The following NRG3 variants were observed in gnomAD, a reference collection of about 807,000 sequenced individuals.
NRG3 encodes the protein pro-neuregulin-3, membrane-bound isoform.
NRG3 carries 31 observed loss-of-function variants against 66.9 expected under a neutral mutation model. The ratio of observed to expected loss-of-function variants is 0.46; its 90% CI spans 0.35 to 0.63. The LOEUF is 0.63. Among genes scored for constraint, NRG3 ranks in the 20% least tolerant of loss-of-function variants. The pLI is 0.00. For synonymous variants in NRG3, 393 were observed against 359.4 expected, an observed-to-expected ratio of 1.09 and a Z score of -1.06; for missense variants, 910 against 878.9, an observed-to-expected ratio of 1.04 and a Z score of -0.45.
At chr10:82,848,026 G>C (rs2063387140) in intron 3 of NRG3, among the ~76,000 whole-genome samples, 1 of 152,164 alleles carries the variant, frequency 6.6e-6, no homozygotes, top group Non-Finnish European at 1.5e-5. Context: ...GTTTGTATTA[G>C]AGTCATGAGT....
chr10:82,041,647 T>C lies in NRG3; in HGVS notation c.823+165484T>C, dbSNP rs187583662. On this transcript the variant is annotated intron_variant, in intron 1 of 8. Transcript: ENST00000372141. ...GGAACAACATTCCTCAAAATATCTG[T>C]AGGGGGCTAATAAGTCACAAAGTGT... Among the ~76,000 whole-genome samples the C allele has an allele frequency of 2.6e-5, 4 of 152,144 alleles. No homozygotes were observed. In the East Asian group the frequency reaches 7.8e-4, roughly 30 times the overall value.
chr10:82,123,956 G>A (rs890825416), intron 1 of NRG3, among the ~76,000 whole-genome samples: 7 of 151,938 alleles, frequency 4.6e-5, no homozygotes, highest in Middle Eastern at 3.4e-3. Flanking sequence ...GGACTGCCCC[G>A]CTATTCTCAC....
chr10:82,519,282 A>G (rs530758208), intron 2 of NRG3, among the ~76,000 whole-genome samples: 33 of 152,202 alleles, frequency 2.2e-4, no homozygotes, highest in Middle Eastern at 6.8e-3. Context: ...TCTAAATTTG[A>G]GTTACCTTGC....
intron 1 of NRG3, among the ~76,000 whole-genome samples, chr10:82,027,056 A>G (rs1352472384): frequency 6.6e-6 from 1 of 152,104 alleles, no homozygotes; most frequent in Non-Finnish European, 1.5e-5. Context: ...TCACAAGAAT[A>G]AGTGAACAAC....
chr10:82,191,557 T>A (rs1285669115), intron 1 of NRG3, among the ~76,000 whole-genome samples: 2 of 152,184 alleles, frequency 1.3e-5, no homozygotes, highest in Admixed American at 6.5e-5. Flanking sequence ...ACTTCCAATC[T>A]TCTTATTTTC....
At chr10:82,800,477 A>G (rs1464384274) in intron 3 of NRG3, among the ~76,000 whole-genome samples, 1 of 152,104 alleles carries the variant, frequency 6.6e-6, no homozygotes, top group Non-Finnish European at 1.5e-5. Context: ...TTCATTTAAC[A>G]AATATTGAAC....
At chr10:81,912,339 A>C (rs1354489569) in intron 1 of NRG3, among the ~76,000 whole-genome samples, 1 of 152,156 alleles carries the variant, frequency 6.6e-6, no homozygotes, top group Non-Finnish European at 1.5e-5. Context: ...CTCCTGCCTC[A>C]GCCTCCTGAG....
chr10:82,742,205 C>CA (rs1379013924), intron 3 of NRG3, among the ~76,000 whole-genome samples: 1 of 152,058 alleles, frequency 6.6e-6, no homozygotes, highest in Non-Finnish European at 1.5e-5. Flanking sequence ...TATTCTCTCC[C>CA]AGGCAATGCA....
At chr10:82,427,715 G>T (rs770797341) in intron 2 of NRG3, among the ~76,000 whole-genome samples, 1 of 152,022 alleles carries the variant, frequency 6.6e-6, no homozygotes, top group African/African-American at 2.4e-5. Context: ...GAATAACACT[G>T]GTCTCACTTT....
chr10:82,258,284 T>A (rs7073811), intron 1 of NRG3, among the ~76,000 whole-genome samples: 66,567 of 152,054 alleles, frequency 0.44, 17,258 homozygotes, highest in African/African-American at 0.73. Context: ...TTATCATTTT[T>A]AGGTGTCCTC....
intron 2 of NRG3, among the ~76,000 whole-genome samples, chr10:82,375,643 T>A (rs1406498181): frequency 6.6e-6 from 1 of 152,174 alleles, no homozygotes; most frequent in Non-Finnish European, 1.5e-5. Flanking sequence ...GAACATGGAC[T>A]TTTCAAAGGG....
intron 2 of NRG3, among the ~76,000 whole-genome samples, chr10:82,716,726 A>G (rs1379620217): frequency 6.6e-6 from 1 of 152,222 alleles, no homozygotes; most frequent in African/African-American, 2.4e-5. Flanking sequence ...AATCTGTATC[A>G]ATAAAGTCTA....
chr10:82,363,857 C>G (rs1221150162), intron 2 of NRG3, among the ~76,000 whole-genome samples: 2 of 152,006 alleles, frequency 1.3e-5, no homozygotes, highest in African/African-American at 4.8e-5. Flanking sequence ...ATTTAAATGT[C>G]TATATAAATT....
At chr10:82,897,599 A>G (rs1344687962) in intron 4 of NRG3, among the ~76,000 whole-genome samples, 1 of 152,088 alleles carries the variant, frequency 6.6e-6, no homozygotes. Flanking sequence ...GCTCACTGCA[A>G]CCTCTGCCTC....
At chr10:82,304,744 A>T (rs541501295) in intron 1 of NRG3, among the ~76,000 whole-genome samples, 1 of 152,036 alleles carries the variant, frequency 6.6e-6, no homozygotes, top group African/African-American at 2.4e-5. Context: ...CTTTCTTTTG[A>T]TTACCTTAAA....
chr10:82,478,984 T>C (rs944393456), intron 2 of NRG3, among the ~76,000 whole-genome samples: 8 of 152,220 alleles, frequency 5.3e-5, no homozygotes, highest in African/African-American at 1.7e-4. Flanking sequence ...AGTTTTCTTA[T>C]GTTTCTCTTT....
chr10:82,391,436 TG>T (rs2086357834), intron 2 of NRG3, among the ~76,000 whole-genome samples: 1 of 152,222 alleles, frequency 6.6e-6, no homozygotes, highest in Non-Finnish European at 1.5e-5. Flanking sequence ...CAGCAGGCAG[TG>T]TGTCAGCTCT....
At chr10:82,299,796 A>G (rs2080288949) in intron 1 of NRG3, among the ~76,000 whole-genome samples, 1 of 152,176 alleles carries the variant, frequency 6.6e-6, no homozygotes, top group African/African-American at 2.4e-5. Flanking sequence ...AACGAGAAGC[A>G]CTCAATGAGA....
At chr10:82,415,854 T>G (rs2088521647) in intron 2 of NRG3, among the ~76,000 whole-genome samples, 1 of 152,164 alleles carries the variant, frequency 6.6e-6, no homozygotes, top group African/African-American at 2.4e-5. Context: ...ATATGTGATG[T>G]AAAGATGTTC....
Sources: allele counts gnomAD v4.1 joint callset (sites outside exome capture counted in the v4.1 genomes callset), GRCh38; gene constraint gnomAD v4.1.1; transcripts MANE v1.5; gene names NCBI Gene and HGNC (gene_info 2026-07-23, HGNC 2026-07-21).